SLC10A7: variants seen among roughly 807,000 people sequenced by gnomAD.
SLC10A7 encodes sodium/bile acid cotransporter 7.
Under a neutral mutation model 43.2 loss-of-function variants are expected in SLC10A7, and 29 were observed. The observed-to-expected ratio is 0.67, with a 90% CI of 0.50 to 0.92. The LOEUF is 0.92. Among genes scored for constraint, SLC10A7 ranks in the 40% least tolerant of loss-of-function variants. The pLI, the probability that SLC10A7 is intolerant of heterozygous loss-of-function variation, is 0.00. For missense variants in SLC10A7, 295 were observed against 403.2 expected, an observed-to-expected ratio of 0.73 and a Z score of 2.30; for synonymous variants, 152 against 144.8, an observed-to-expected ratio of 1.05 and a Z score of -0.35.
At chr4:146,268,302 C>G (rs1728688578) in intron 10 of SLC10A7, among the ~76,000 whole-genome samples, 1 of 152,004 alleles carries the variant, frequency 6.6e-6, no homozygotes, top group Non-Finnish European at 1.5e-5. Flanking sequence ...AACCAGAATT[C>G]AAAAATATTC....
At chr4:146,296,528 T>C (rs1393268715) in intron 7 of SLC10A7, among the ~76,000 whole-genome samples, 2 of 152,138 alleles carry the variant, frequency 1.3e-5, no homozygotes, top group Non-Finnish European at 2.9e-5. Context: ...AACACTCCAA[T>C]AAATTGATGG....
At chr4:146,389,083 C>T (rs1579062568) in intron 5 of SLC10A7, among the ~76,000 whole-genome samples, 1 of 152,072 alleles carries the variant, frequency 6.6e-6, no homozygotes, top group Non-Finnish European at 1.5e-5. Context: ...AACAGAAAAT[C>T]AAAGCTACGT....
rs558095541 is a variant in SLC10A7 at position 146,363,955 on chromosome 4, A to G, written c.436-37959T>C. ...TGAATCGTAAAGAACTAAAAAAGCA[A>G]GAGCACACCAAACACAAAATTAATA... is the stretch of plus-strand genomic sequence containing the variant. On this transcript the variant is annotated intron_variant, in intron 5 of 11. Coordinates refer to ENST00000335472, the MANE Select transcript of SLC10A7 (RefSeq NM_001029998.6). Among the ~76,000 whole-genome samples, 16 of 152,202 alleles carry G rather than the reference A, an allele frequency of 1.1e-4. No homozygotes were observed. In the East Asian group the frequency reaches 1.9e-3, roughly 18 times the overall value.
At chr4:146,266,969 T>C (rs556388617) in intron 10 of SLC10A7, among the ~76,000 whole-genome samples, 4 of 152,212 alleles carry the variant, frequency 2.6e-5, no homozygotes, top group Admixed American at 6.5e-5. Context: ...CAGGCACTCT[T>C]CTAGGTGCAG....
intron 4 of SLC10A7, among the ~76,000 whole-genome samples, chr4:146,449,853 A>G (rs895183645): frequency 7.2e-5 from 11 of 152,162 alleles, no homozygotes; most frequent in African/African-American, 2.7e-4. Flanking sequence ...TTAAAGTTTC[A>G]AACTAGAATG....
intron 10 of SLC10A7, among the ~76,000 whole-genome samples, chr4:146,259,480 A>G (rs1006200527): frequency 6.6e-6 from 1 of 152,208 alleles, no homozygotes; most frequent in East Asian, 1.9e-4. Context: ...GCACACCTGT[A>G]GTCTCAGCTA....
chr4:146,429,236 A>T (rs1168754308), intron 5 of SLC10A7, among the ~76,000 whole-genome samples: 1 of 152,208 alleles, frequency 6.6e-6, no homozygotes, highest in East Asian at 1.9e-4. Flanking sequence ...AATTATGGTC[A>T]AAACAGATGA....
In SLC10A7 at chr4:146,404,476, A is replaced by ATGTGTGTGTGTG. The variant is rs34519773; in HGVS notation, c.435+38295_435+38306dup. On this transcript the variant is annotated intron_variant, in intron 5 of 11. Coordinates refer to ENST00000335472, the MANE Select transcript of SLC10A7 (RefSeq NM_001029998.6). Reference sequence around the variant, plus strand: ...CTTTTCATAGGTTTGCTGCTCATTTATGTGTGTGTGTGTGTGTGTGTGTGT... The same window carrying ATGTGTGTGTGTG: ...CTTTTCATAGGTTTGCTGCTCATTTATGTGTGTGTGTGTGTGTGTGTGTGTGTGTGTGTGTGT... Among the ~76,000 whole-genome samples the ATGTGTGTGTGTG allele has an allele frequency of 5.7e-3, 800 of 141,544 alleles. 4 individuals carry two copies. Among genetic ancestry groups the ATGTGTGTGTGTG allele is most frequent in the Middle Eastern group, 0.014 (4 of 282 alleles). 92.9% of individuals were successfully genotyped at this position (141,544 alleles called of 152,430 possible). A position where few individuals can be genotyped will look rare whatever the true frequency, so the allele number is the denominator to read the frequency against.
At chr4:146,472,483 A>G (rs1370732747) in intron 4 of SLC10A7, among the ~76,000 whole-genome samples, 1 of 142,076 alleles carries the variant, frequency 7.0e-6, no homozygotes, top group African/African-American at 2.6e-5. Flanking sequence ...CCTTTCAATC[A>G]TGAAGCATAT....
chr4:146,351,350 T>C (rs1735085336), intron 5 of SLC10A7, among the ~76,000 whole-genome samples: 2 of 151,710 alleles, frequency 1.3e-5, no homozygotes, highest in South Asian at 4.2e-4. Flanking sequence ...TAAAAAGAAA[T>C]GAGCAAAGCC....
In SLC10A7 at chr4:146,255,515, A is replaced by G. The variant is rs1727845436; in HGVS notation, c.*976T>C. 1 of 152,584 alleles carries G rather than the reference A, an allele frequency of 6.6e-6. No homozygotes were observed. The highest frequency in any genetic ancestry group is 1.5e-5 in the Non-Finnish European group (1 of 68,048). The allele number at this position is 152,584 out of a possible 1,614,324, so 9.5% of individuals were successfully genotyped here. On this transcript the variant is annotated 3_prime_UTR_variant, in exon 12 of 12. Transcript: ENST00000335472. Reference sequence around the variant, plus strand: ...AAATTTTCATTAATAAATTGTCTCAAATACCTTAAGTGTGCTTAATTCCAG... The same window carrying G: ...AAATTTTCATTAATAAATTGTCTCAGATACCTTAAGTGTGCTTAATTCCAG...
intron 5 of SLC10A7, among the ~76,000 whole-genome samples, chr4:146,422,819 C>T (rs1209988452): frequency 1.3e-5 from 2 of 152,070 alleles, no homozygotes; most frequent in Non-Finnish European, 2.9e-5. Context: ...CTAAATTCTA[C>T]CTGTTCTGCA....
intron 5 of SLC10A7, among the ~76,000 whole-genome samples, chr4:146,357,247 C>A (rs1259043766): frequency 6.6e-6 from 1 of 152,126 alleles, no homozygotes; most frequent in Non-Finnish European, 1.5e-5. Context: ...AAGCAGGTAA[C>A]ATTTATTCCT....
intron 4 of SLC10A7, among the ~76,000 whole-genome samples, chr4:146,455,595 CTTTTCATTAGCA>C (rs1731973401): frequency 6.6e-6 from 1 of 151,884 alleles, no homozygotes; most frequent in Non-Finnish European, 1.5e-5. Context: ...CTCTCATCAG[CTTTTCATTAGCA>C]ATAAAATAGC....
chr4:146,366,623 G>A (rs1736409842), intron 5 of SLC10A7, among the ~76,000 whole-genome samples: 1 of 152,150 alleles, frequency 6.6e-6, no homozygotes, highest in African/African-American at 2.4e-5. Flanking sequence ...ACTTTTGAAA[G>A]ACTAGAAAAT....
intron 10 of SLC10A7, among the ~76,000 whole-genome samples, chr4:146,260,954 A>G (rs895680496): frequency 2.0e-5 from 3 of 152,200 alleles, no homozygotes; most frequent in African/African-American, 2.4e-5. Context: ...GGCTACCCCA[A>G]TAGTGGCAAG....
At chr4:146,298,227 G>A (rs148247920) in intron 7 of SLC10A7, among the ~76,000 whole-genome samples, 1,997 of 152,230 alleles carry the variant, frequency 0.013, 22 homozygotes, top group Non-Finnish European at 0.02. Context: ...TTTAGAGACC[G>A]GGCCTGTCCC....
intron 5 of SLC10A7, among the ~76,000 whole-genome samples, chr4:146,375,530 C>G (rs1737130387): frequency 6.6e-6 from 1 of 152,208 alleles, no homozygotes; most frequent in Non-Finnish European, 1.5e-5. Context: ...ACATCTAGCT[C>G]CCTTTAACGT....
chr4:146,442,657 A>T (rs1054625134), intron 5 of SLC10A7, 126 bp downstream of exon 5: 8 of 1,507,178 alleles, frequency 5.3e-6, no homozygotes, highest in Non-Finnish European at 7.0e-6. Flanking sequence ...ATACTGGCAC[A>T]TGAAAAGATT....
Sources: allele counts gnomAD v4.1 joint callset (sites outside exome capture counted in the v4.1 genomes callset), GRCh38; gene constraint gnomAD v4.1.1; transcripts MANE v1.5; gene names NCBI Gene and HGNC (gene_info 2026-07-23, HGNC 2026-07-21).